The following CEBPZOS variants were observed in gnomAD, a reference collection of about 807,000 sequenced individuals.
CEBPZOS encodes the protein protein CEBPZOS.
A neutral mutation model predicts 4.8 loss-of-function variants in CEBPZOS; 10 were observed. The ratio of observed to expected loss-of-function variants is 2.07; its 90% CI spans 1.28 to 3.52. CEBPZOS has a LOEUF of 3.52. Among genes scored for constraint, CEBPZOS ranks in the 30% most tolerant of loss-of-function variants. The probability of loss-of-function intolerance (pLI) is 0.00; values close to 1 mark genes in which losing one functional copy is unlikely to be tolerated. For synonymous variants in CEBPZOS, 25 were observed against 14.2 expected (o/e 1.77, Z -1.72); for missense variants, 98 against 43.6 (o/e 2.25, Z -3.51).
chr2:37,203,196 A>G lies in CEBPZOS; in HGVS notation c.*1336A>G. Reference sequence around the variant, plus strand: ...TAGTATATAATATTTTCAAAAAGCTAACAACATCCTAATAGAACTGTTCAG... The same window carrying G: ...TAGTATATAATATTTTCAAAAAGCTGACAACATCCTAATAGAACTGTTCAG... On this transcript the variant is annotated 3_prime_UTR_variant, in exon 5 of 5. Transcript: ENST00000402297. 1 of 427,628 alleles carries G rather than the reference A, an allele frequency of 2.3e-6. No individual in the cohort carries two copies. The highest frequency in any genetic ancestry group is 4.2e-6 in the Non-Finnish European group (1 of 240,466). The allele number at this position is 427,628 out of a possible 1,614,324, so 26.5% of individuals were successfully genotyped here. A position where few individuals can be genotyped will look rare whatever the true frequency, so the allele number is the denominator to read the frequency against.
At position 37,202,928 on chromosome 2, in the gene CEBPZOS, TAAAAC is replaced by T. The variant is rs772176087; in HGVS notation, c.*1070_*1074del. Reference sequence around the variant, plus strand: ...AAATAATGTAGAATAGCTAGCTTGTTAAAACAGTACATTAGCCTTACCTCTTCAGC... The same window carrying T: ...AAATAATGTAGAATAGCTAGCTTGTTAGTACATTAGCCTTACCTCTTCAGC... On this transcript the variant is annotated 3_prime_UTR_variant, in exon 5 of 5. Coordinates refer to ENST00000402297, the MANE Select transcript of CEBPZOS (RefSeq NM_001322374.2). 16 of 1,595,520 alleles carry T rather than the reference TAAAAC, an allele frequency of 1.0e-5. No individual in the cohort carries two copies. The highest frequency in any genetic ancestry group is 1.4e-5 in the Non-Finnish European group (16 of 1,169,628).
Position 37,202,151 on chromosome 2 carries a change from C to A in CEBPZOS, c.*291C>A. ...TCTAAAGATTTTCTCTCCCCAAGCA[C>A]TTTTACTGGTGAAATAAAAACCAGT... is the stretch of plus-strand genomic sequence containing the variant. On this transcript the variant is annotated 3_prime_UTR_variant, in exon 5 of 5. Transcript: ENST00000402297. 3.9e-6 allele frequency: 1 copy of A among 259,142 alleles called. No individual in the cohort carries two copies. The highest frequency in any genetic ancestry group is 1.5e-4 in the South Asian group (1 of 6,820). The allele number at this position is 259,142 out of a possible 1,614,324, so 16.1% of individuals were successfully genotyped here.
intron 4 of CEBPZOS, chr2:37,211,955 C>G: frequency 6.2e-7 from 1 of 1,613,714 alleles, no homozygotes; most frequent in East Asian, 2.2e-5. Context: ...CATCGTCATC[C>G]AGGTTACCAA....
chr2:37,215,788 G>A (rs1677852808), downstream of CEBPZOS, among the ~76,000 whole-genome samples: 1 of 152,148 alleles, frequency 6.6e-6, no homozygotes, highest in Admixed American at 6.5e-5. Flanking sequence ...CTTTAAGATG[G>A]TCTGAATTGT....
At position 37,203,072 on chromosome 2, in the gene CEBPZOS, G is replaced by T; in HGVS notation, c.*1212G>T. The T allele has an allele frequency of 9.1e-7, 1 of 1,094,280 alleles. No homozygotes were observed. The highest frequency in any genetic ancestry group is 1.3e-6 in the Non-Finnish European group (1 of 768,626). 67.8% of individuals were successfully genotyped at this position (1,094,280 alleles called of 1,614,324 possible). ...TCTAATGATTTTAGAAAAATGCAAT[G>T]CAACATGATTTTATTTTAAAAATTA... On this transcript the variant is annotated 3_prime_UTR_variant, in exon 5 of 5. Coordinates refer to ENST00000402297, the MANE Select transcript of CEBPZOS (RefSeq NM_001322374.2).
intron 4 of CEBPZOS, chr2:37,212,685 GT>G: frequency 2.4e-6 from 1 of 418,600 alleles, no homozygotes; most frequent in Non-Finnish European, 4.3e-6. Context: ...AGCAATTGTC[GT>G]CCTTTTTACT....
Position 37,201,664 on chromosome 2 carries a change from G to C in CEBPZOS, c.183G>C (p.Lys61Asn), listed in dbSNP as rs1227738778. 1 of 780,690 alleles carries C rather than the reference G, an allele frequency of 1.3e-6. No individual in the cohort carries two copies. The highest frequency in any genetic ancestry group is 2.2e-6 in the Non-Finnish European group (1 of 444,528). The allele number at this position is 780,690 out of a possible 1,614,324, so 48.4% of individuals were successfully genotyped here. The change falls in exon 4 of 5, where the codon AAG becomes AAC. Residue 61 changes from lysine (K) to asparagine (N), a missense_variant. By Grantham distance (94) the Lys-to-Asn change is moderately conservative. Coordinates refer to ENST00000402297, the MANE Select transcript of CEBPZOS (RefSeq NM_001322374.2). ...ILEVYYKSTE[K>N]SGMYGIRELD... ...TAGTTTATTACAAATCCACTGAGAA[G>C]TCTGGAATGTATGGAATCAGAGAGC...
chr2:37,201,771 C>T (rs780364053), intron 4 of CEBPZOS, 45 bp downstream of exon 4: 2 of 1,415,240 alleles, frequency 1.4e-6, no homozygotes, highest in African/African-American at 1.4e-5. Context: ...AACTCATTTC[C>T]TTTGTTTTTT....
rs550439229 is a variant in CEBPZOS, at chr2:37,203,042, A to G, written c.*1182A>G. 52 of 1,363,798 alleles carry G rather than the reference A, an allele frequency of 3.8e-5. No individual in the cohort carries two copies. The highest frequency in any genetic ancestry group is 9.8e-5 in the Admixed American group (4 of 40,952). The allele number at this position is 1,363,798 out of a possible 1,614,324, so 84.5% of individuals were successfully genotyped here. ...AATTGTAAGTCTACATTATTCAATT[A>G]TAAATCTAATGATTTTAGAAAAATG... On this transcript the variant is annotated 3_prime_UTR_variant, in exon 5 of 5. Transcript: ENST00000402297.
At chr2:37,215,121 T>C (rs1255401122), downstream of CEBPZOS, among the ~76,000 whole-genome samples, 1 of 152,134 alleles carries the variant, frequency 6.6e-6, no homozygotes, top group Non-Finnish European at 1.5e-5. Flanking sequence ...TGAAAAAGTC[T>C]GTGTGAAGAC....
downstream of CEBPZOS, chr2:37,214,002 G>T (rs982360579): frequency 8.8e-7 from 1 of 1,141,790 alleles, no homozygotes; most frequent in Non-Finnish European, 1.2e-6. Flanking sequence ...TTTATTAAAG[G>T]TCTAATCTTA....
chr2:37,198,010 A>T (rs1677033129), intron 1 of CEBPZOS, among the ~76,000 whole-genome samples: 1 of 151,770 alleles, frequency 6.6e-6, no homozygotes, highest in African/African-American at 2.4e-5. Context: ...AATACAAAAA[A>T]TTTGCTGGGC....
At chr2:37,212,112 G>A (rs1347465987) in intron 4 of CEBPZOS, 19 of 1,287,922 alleles carry the variant, frequency 1.5e-5, no homozygotes, top group Non-Finnish European at 1.9e-5. Flanking sequence ...GACTACTAGG[G>A]CAGTAGGCTA....
At position 37,199,687 on chromosome 2, in the gene CEBPZOS, T is replaced by A. The variant is rs926055284; in HGVS notation, c.-1-17T>A. The A allele has an allele frequency of 4.2e-6, 3 of 715,340 alleles. No homozygotes were observed. The South Asian group carries it at 4.5e-5, about 11-fold the overall frequency. The allele number at this position is 715,340 out of a possible 1,614,324, so 44.3% of individuals were successfully genotyped here. ...GTATGTTCATTCAGGTTTACACATA[T>A]CTGTTGTTAAATTTAGGATGGCCCG... On this transcript the variant is annotated splice_polypyrimidine_tract_variant and intron_variant, in intron 1 of 4. Coordinates refer to ENST00000402297, the MANE Select transcript of CEBPZOS (RefSeq NM_001322374.2).
At chr2:37,215,125 T>C (rs901126273), downstream of CEBPZOS, among the ~76,000 whole-genome samples, 1 of 152,142 alleles carries the variant, frequency 6.6e-6, no homozygotes, top group African/African-American at 2.4e-5. Context: ...AAAGTCTGTG[T>C]GAAGACCCCC....
chr2:37,213,972 C>A, downstream of CEBPZOS: 1 of 1,389,812 alleles, frequency 7.2e-7, no homozygotes, highest in Non-Finnish European at 9.7e-7. Context: ...CTATAATATT[C>A]ATGTTATATA....
At position 37,200,919 on chromosome 2, in the gene CEBPZOS, C is replaced by G. The variant is rs191666262; in HGVS notation, c.116-129C>G. ...GATCGTTCCTGGATTACCAGAAAGA[C>G]CTTCAAACAAATTTCTAATCTATAT... On this transcript the variant is annotated intron_variant, in intron 2 of 4. Transcript: ENST00000402297. The G allele has an allele frequency of 2.0e-5, 12 of 593,860 alleles. No individual in the cohort carries two copies. In the East Asian group the frequency reaches 3.3e-4, roughly 16 times the overall value. The allele number at this position is 593,860 out of a possible 1,614,324, so 36.8% of individuals were successfully genotyped here.
At chr2:37,210,234 T>G (rs1187447733) in intron 4 of CEBPZOS, 1 of 152,188 alleles carries the variant, frequency 6.6e-6, no homozygotes, top group Non-Finnish European at 1.5e-5. Flanking sequence ...CTTAAAGAAC[T>G]GAAAGTAGAA....
chr2:37,200,342 C>T (rs1677157108), intron 2 of CEBPZOS, among the ~76,000 whole-genome samples: 4 of 152,064 alleles, frequency 2.6e-5, no homozygotes, highest in South Asian at 4.1e-4. Context: ...AGTGATTTTT[C>T]CCTAAAACAG....
Sources: gnomAD v4.1 joint callset for allele counts (sites outside exome capture counted in the v4.1 genomes callset) on GRCh38, gnomAD v4.1.1 for gene constraint, MANE v1.5 for transcripts, NCBI Gene and HGNC (gene_info 2026-07-23, HGNC 2026-07-21) for gene names.